The following VPS13B variants were observed in gnomAD, a reference collection of about 807,000 sequenced individuals.
VPS13B encodes vacuolar protein sorting 13 homolog B.
A neutral mutation model predicts 426.4 loss-of-function variants in VPS13B; 285 were observed. That is an observed-to-expected ratio of 0.67 (90% confidence interval 0.61 to 0.74). The LOEUF (loss-of-function observed/expected upper bound fraction) is 0.74, where lower values mean the gene tolerates loss of function less well. VPS13B is among the 30% of genes least tolerant of loss of function. The probability of loss-of-function intolerance (pLI) is 0.00; values close to 1 mark genes in which losing one functional copy is unlikely to be tolerated. For missense variants in VPS13B, 4,537 were observed against 4,782.6 expected, an observed-to-expected ratio of 0.95 and a Z score of 1.51; for synonymous variants, 1,676 against 1,676.4, an observed-to-expected ratio of 1.00 and a Z score of 0.01.
At chr8:99,063,649 C>G (rs1482907077) in intron 3 of VPS13B, among the ~76,000 whole-genome samples, 1 of 152,224 alleles carries the variant, frequency 6.6e-6, no homozygotes, top group Non-Finnish European at 1.5e-5. Flanking sequence ...CAGGGCATAG[C>G]TGAACAAAAG....
chr8:99,109,335 G>A (rs1847230554), intron 5 of VPS13B, among the ~76,000 whole-genome samples: 1 of 150,362 alleles, frequency 6.7e-6, no homozygotes, highest in Admixed American at 6.6e-5. Flanking sequence ...AATAATAATT[G>A]TCTAGGGTCT....
intron 33 of VPS13B, among the ~76,000 whole-genome samples, chr8:99,637,937 C>G (rs1829135378): frequency 6.6e-6 from 1 of 152,004 alleles, no homozygotes; most frequent in Admixed American, 6.6e-5. Flanking sequence ...TTTAGTTATA[C>G]TGTATTTAGA....
chr8:99,087,298 C>T (rs562457125), intron 3 of VPS13B, among the ~76,000 whole-genome samples: 6 of 152,244 alleles, frequency 3.9e-5, no homozygotes, highest in South Asian at 2.1e-4. Context: ...TTGCTAAGAC[C>T]GTTGGAAAAG....
intron 51 of VPS13B, among the ~76,000 whole-genome samples, chr8:99,830,085 C>A (rs998419660): frequency 3.9e-5 from 6 of 152,258 alleles, no homozygotes; most frequent in African/African-American, 1.2e-4. Context: ...GTCAGGGACC[C>A]ACTTGAGGAG....
intron 3 of VPS13B, among the ~76,000 whole-genome samples, chr8:99,058,034 A>T (rs1843976908): frequency 6.6e-6 from 1 of 152,146 alleles, no homozygotes; most frequent in African/African-American, 2.4e-5. Context: ...AATTTTTTGT[A>T]ATCTAGTTGT....
At chr8:99,621,820 C>CTTTTTTTTTTTTTTTTTTTTTTT (rs749078781) in intron 33 of VPS13B, among the ~76,000 whole-genome samples, 2 of 83,256 alleles carry the variant, frequency 2.4e-5, no homozygotes, top group African/African-American at 4.8e-5. Context: ...TGTTTTGTTT[C>CTTTTTTTTTTTTTTTTTTTTTTT]TTTTTTTTTT....
intron 2 of VPS13B, among the ~76,000 whole-genome samples, chr8:99,015,091 C>G (rs1841541433): frequency 6.6e-6 from 1 of 152,114 alleles, no homozygotes; most frequent in South Asian, 2.1e-4. Flanking sequence ...AGACTTAGCA[C>G]TAAGAAATAA....
At chr8:99,057,160 T>C (rs1385606251) in intron 3 of VPS13B, among the ~76,000 whole-genome samples, 2 of 152,178 alleles carry the variant, frequency 1.3e-5, no homozygotes, top group South Asian at 4.1e-4. Context: ...ACCACCTACA[T>C]AGACAATAAT....
At chr8:99,087,075 A>C (rs537279568) in intron 3 of VPS13B, among the ~76,000 whole-genome samples, 1 of 152,332 alleles carries the variant, frequency 6.6e-6, no homozygotes, top group Admixed American at 6.5e-5. Context: ...AGAGGCAGGC[A>C]GGCCTCCTTG....
In VPS13B at chr8:99,028,354, C is replaced by T. The variant is rs1446725980; in HGVS notation, c.148-10069C>T. On this transcript the variant is annotated intron_variant, in intron 2 of 61. Transcript: ENST00000357162. Reference sequence around the variant, plus strand: ...GCCGGGCAGGGGGCTGACCCCCCCACCTCCCTCCCGGATGGGGCGGCTGGC... The same window carrying T: ...GCCGGGCAGGGGGCTGACCCCCCCATCTCCCTCCCGGATGGGGCGGCTGGC... 2.0e-4 allele frequency among the ~76,000 whole-genome samples: 30 copies of T among 150,718 alleles called. 1 individual carries two copies. Among genetic ancestry groups the T allele is most frequent in the African/African-American group, 6.1e-4 (25 of 41,116 alleles).
intron 17 of VPS13B, chr8:99,240,901 T>G (rs185962195): frequency 6.9e-4 from 106 of 152,798 alleles, no homozygotes; most frequent in Middle Eastern, 3.4e-3. Flanking sequence ...AGGTCTCCCT[T>G]TATGTGTTTG....
intron 21 of VPS13B, chr8:99,429,786 C>T (rs565140430): frequency 4.6e-5 from 7 of 152,130 alleles, no homozygotes; most frequent in Admixed American, 6.6e-5. Context: ...GCACAGTAGC[C>T]AGAGAAGTTC....
At chr8:99,292,509 GCTTTATCTATTA>G (rs1324601412) in intron 19 of VPS13B, among the ~76,000 whole-genome samples, 1 of 152,042 alleles carries the variant, frequency 6.6e-6, no homozygotes, top group Non-Finnish European at 1.5e-5. Context: ...TTACTGACCA[GCTTTATCTATTA>G]CTTTTAATGA....
At chr8:99,321,249 C>T (rs534893506) in intron 19 of VPS13B, among the ~76,000 whole-genome samples, 33 of 134,648 alleles carry the variant, frequency 2.5e-4, no homozygotes, top group African/African-American at 7.3e-4. Flanking sequence ...CTTGCTCTGT[C>T]GCCCAGGCTG....
In VPS13B at chr8:99,642,463, T is replaced by C; in HGVS notation, c.5873T>C (p.Val1958Ala). 6.2e-7 allele frequency: 1 copy of C among 1,613,974 alleles called. No homozygotes were observed. Residue 1958 changes from valine to alanine, a missense_variant, in exon 34 of 62, where the codon GTG becomes GCG. Val to Ala is a moderately conservative substitution (Grantham distance 64, BLOSUM62 0). Transcript: ENST00000357162. ...QRVEVSIFDA[V>A]LKGVASDYKC... ...GTGGAAGTATCCATTTTTGATGCTG[T>C]GCTTAAAGGGGTGGCCTCTGATTAC...
At chr8:99,507,093 A>G (rs1255481287) in intron 27 of VPS13B, 44 bp from the exon 28 acceptor site, 2 of 1,606,772 alleles carry the variant, frequency 1.2e-6, no homozygotes, top group Middle Eastern at 1.7e-4. Flanking sequence ...TTCTTAACTC[A>G]GAAAAATTGA....
intron 17 of VPS13B, among the ~76,000 whole-genome samples, chr8:99,269,474 T>G (rs1818465346): frequency 6.6e-6 from 1 of 152,212 alleles, no homozygotes; most frequent in African/African-American, 2.4e-5. Context: ...CATTATACTC[T>G]CTTTCTAAAT....
intron 23 of VPS13B, among the ~76,000 whole-genome samples, chr8:99,445,635 A>G (rs1817878092): frequency 6.6e-6 from 1 of 151,738 alleles, no homozygotes; most frequent in Non-Finnish European, 1.5e-5. Context: ...TAATATTAGA[A>G]ATTAACACCA....
rs138235492 is a variant in VPS13B at position 99,606,079 on chromosome 8, T to C, written c.5220+28446T>C. ...CCTGGCTAATTTTTGTATTATTTTT[T>C]TTTTCGGTAGATACGGGGTTTTGCC... On this transcript the variant is annotated intron_variant, in intron 33 of 61. Coordinates refer to ENST00000357162, the MANE Select transcript of VPS13B (RefSeq NM_152564.5). Among the ~76,000 whole-genome samples, 94 of 152,168 alleles carry C rather than the reference T, an allele frequency of 6.2e-4. No homozygotes were observed. The East Asian group carries it at 0.012, about 19-fold the overall frequency.
Sources: gnomAD v4.1 joint callset for allele counts (sites outside exome capture counted in the v4.1 genomes callset) on GRCh38, gnomAD v4.1.1 for gene constraint, MANE v1.5 for transcripts, NCBI Gene and HGNC (gene_info 2026-07-23, HGNC 2026-07-21) for gene names.